The following CACNG7 variants were observed in gnomAD, a reference collection of about 807,000 sequenced individuals.
The protein encoded by CACNG7 is calcium voltage-gated channel auxiliary subunit gamma 7.
A neutral mutation model predicts 26.3 loss-of-function variants in CACNG7; 9 were observed. The ratio of observed to expected loss-of-function variants is 0.34; its 90% confidence interval spans 0.21 to 0.60. CACNG7 has a LOEUF of 0.60. CACNG7 is among the 20% of genes least tolerant of loss of function. The pLI, the probability that CACNG7 is intolerant of heterozygous loss-of-function variation, is 0.81. For missense variants in CACNG7, 297 were observed against 380.4 expected (o/e 0.78, Z 1.82); for synonymous variants, 170 against 157.0 (o/e 1.08, Z -0.62).
In CACNG7 at chr19:53,909,504, C is replaced by G; in HGVS notation, c.-43C>G. ...GGGCCCGCGGCCCGGAGCGTCCGCC[C>G]AGCCCTGAGCGAGGTGAGCGCTAGC... On this transcript the variant is annotated 5_prime_UTR_variant, in exon 1 of 6. Transcript: ENST00000391767. The surrounding 1 kb of genome is among the most constrained non-coding windows in gnomAD (Gnocchi z 5.1). 6.6e-6 allele frequency: 1 copy of G among 152,446 alleles called. No individual in the cohort carries two copies. Among genetic ancestry groups the G allele is most frequent in the South Asian group, 1.8e-4 (1 of 5,416 alleles). 9.4% of individuals were successfully genotyped at this position (152,446 alleles called of 1,614,324 possible).
intron 3 of CACNG7, among the ~76,000 whole-genome samples, chr19:53,915,081 CAAGGTTG>C (rs2068887069): frequency 6.6e-6 from 1 of 150,756 alleles, no homozygotes; most frequent in Admixed American, 6.6e-5. Flanking sequence ...GGAGAAAGAG[CAAGGTTG>C]AAGGGGTGAG....
intron 4 of CACNG7, among the ~76,000 whole-genome samples, chr19:53,924,944 T>C (rs2069012679): frequency 6.8e-6 from 1 of 146,314 alleles, no homozygotes; most frequent in Non-Finnish European, 1.5e-5. Flanking sequence ...ATTGGTGGAG[T>C]TGTCCCAGGC....
At chr19:53,924,207 GT>G (rs1261287080) in intron 4 of CACNG7, among the ~76,000 whole-genome samples, 3 of 146,584 alleles carry the variant, frequency 2.0e-5, no homozygotes, top group East Asian at 2.1e-4. Flanking sequence ...GTTGTCCCAG[GT>G]CTGGTCATTG....
At chr19:53,941,733 G>A in intron 5 of CACNG7, 118 bp downstream of exon 5, 4 of 1,313,138 alleles carry the variant, frequency 3.0e-6, no homozygotes, top group Non-Finnish European at 4.2e-6. Flanking sequence ...TCAGAGGGAG[G>A]TGGTAGCTGA....
In CACNG7 at chr19:53,921,873, T is replaced by G. The variant is rs138330971; in HGVS notation, c.424+6368T>G. The stretch of plus-strand genomic sequence containing the variant: ...TGTCCCAGGCTGGTCATTGGTGGAG[T>G]TGTCCCAGGCTGGTCATTGGTGGAG... On this transcript the variant is annotated intron_variant, in intron 4 of 5. Transcript: ENST00000391767. Among the ~76,000 whole-genome samples, 21 of 67,746 alleles carry G rather than the reference T, an allele frequency of 3.1e-4. 4 individuals are homozygous for G. Among genetic ancestry groups the G allele is most frequent in the Non-Finnish European group, 5.1e-4 (19 of 37,430 alleles). The allele number at this position is 67,746 out of a possible 152,430, so 44.4% of individuals were successfully genotyped here. A position where few individuals can be genotyped will look rare whatever the true frequency, so the allele number is the denominator to read the frequency against.
intron 4 of CACNG7, among the ~76,000 whole-genome samples, chr19:53,934,702 G>T (rs540848409): frequency 6.6e-6 from 1 of 152,036 alleles, no homozygotes; most frequent in Admixed American, 6.6e-5. Context: ...GAGCCCAGGA[G>T]TTTGAGGCTG....
chr19:53,913,631 C>T (rs1472476501), intron 2 of CACNG7, among the ~76,000 whole-genome samples: 1 of 151,218 alleles, frequency 6.6e-6, no homozygotes, highest in Non-Finnish European at 1.5e-5. Flanking sequence ...CCATCTCACT[C>T]TCCCTAGCTC....
chr19:53,915,302 A>T, intron 3 of CACNG7, 63 bp from the exon 4 acceptor site: 1 of 1,280,016 alleles, frequency 7.8e-7, no homozygotes, highest in Non-Finnish European at 1.1e-6. Context: ...GAGGTCAAGG[A>T]ATGGGGAAGT....
At chr19:53,921,803 TCTGGTCATTGGTGGAGTTGCCCCAGGTC>T (rs2068957958) in intron 4 of CACNG7, among the ~76,000 whole-genome samples, 3 of 73,004 alleles carry the variant, frequency 4.1e-5, no homozygotes, top group African/African-American at 8.2e-5. Flanking sequence ...TGTCCCCAGG[TCTGGTCATTGGTGGAGTTGCCCCAGGTC>T]TGGTCATTGG....
intron 4 of CACNG7, among the ~76,000 whole-genome samples, chr19:53,917,086 CTGTG>C (rs1348001275): frequency 6.6e-6 from 1 of 152,304 alleles, no homozygotes; most frequent in African/African-American, 2.4e-5. Context: ...GCATGAGCCA[CTGTG>C]CCTGGCCTAA....
At chr19:53,929,235 T>C (rs1170441409) in intron 4 of CACNG7, among the ~76,000 whole-genome samples, 1 of 151,790 alleles carries the variant, frequency 6.6e-6, no homozygotes, top group African/African-American at 2.4e-5. Context: ...CATAATTTGA[T>C]TGTCCTTCAG....
At chr19:53,914,431 C>A in intron 2 of CACNG7, 69 bp from the exon 3 acceptor site, 2 of 1,353,848 alleles carry the variant, frequency 1.5e-6, no homozygotes, top group Non-Finnish European at 2.1e-6. Flanking sequence ...ATCTGTCCTG[C>A]CCCCACCCCC....
At chr19:53,924,908 T>C (rs1294638927) in intron 4 of CACNG7, among the ~76,000 whole-genome samples, 1 of 145,296 alleles carries the variant, frequency 6.9e-6, no homozygotes, top group Non-Finnish European at 1.5e-5. Context: ...GGTCTGGTCA[T>C]TGGTGGAGTT....
chr19:53,942,955 G>C lies in CACNG7; in HGVS notation c.*662G>C, dbSNP rs2069148988. On this transcript the variant is annotated 3_prime_UTR_variant, in exon 6 of 6. Coordinates refer to ENST00000391767, the MANE Select transcript of CACNG7 (RefSeq NM_031896.5). The surrounding 1 kb of genome is among the most constrained non-coding windows in gnomAD (Gnocchi z 5.9). ...GGTCCCATTCTTTCTCACCGGCTGG[G>C]CTCTTTTCTGCTTCCTGAAGGTTAC... 1.3e-5 allele frequency: 2 copies of C among 152,446 alleles called. No homozygotes were observed. Among genetic ancestry groups the C allele is most frequent in the African/African-American group, 4.8e-5 (2 of 41,440 alleles). 9.4% of individuals were successfully genotyped at this position (152,446 alleles called of 1,614,324 possible). A position where few individuals can be genotyped will look rare whatever the true frequency, so the allele number is the denominator to read the frequency against.
intron 4 of CACNG7, among the ~76,000 whole-genome samples, chr19:53,924,711 C>T (rs1033901164): frequency 4.1e-5 from 6 of 147,834 alleles, no homozygotes; most frequent in African/African-American, 1.0e-4. Context: ...GGAGTTGCCC[C>T]AGTTCTGGTA....
chr19:53,919,644 T>C (rs2068923822), intron 4 of CACNG7, among the ~76,000 whole-genome samples: 1 of 133,018 alleles, frequency 7.5e-6, no homozygotes, highest in African/African-American at 3.0e-5. Flanking sequence ...TGCCCCAGGC[T>C]GGTCATTGGT....
Position 53,940,917 on chromosome 19 carries a change from C to A in CACNG7, c.425-553C>A, listed in dbSNP as rs529065342. The stretch of plus-strand genomic sequence containing the variant: ...TAAAAATATAAAAAAAAAAATTAGT[C>A]GGGAGTGGTGGCGGGCGCCTGTAAT... On this transcript the variant is annotated intron_variant, in intron 4 of 5. Coordinates refer to ENST00000391767, the MANE Select transcript of CACNG7 (RefSeq NM_031896.5). This position sits in a 1 kb window ranked among gnomAD's most constrained non-coding sequence, Gnocchi z 4.1. Among the ~76,000 whole-genome samples the A allele has an allele frequency of 1.3e-5, 2 of 151,908 alleles. No homozygotes were observed. Among genetic ancestry groups the A allele is most frequent in the African/African-American group, 4.8e-5 (2 of 41,418 alleles).
rs1568774165 is a variant in CACNG7, at chr19:53,921,287, T to TCTGGTCATTGGTGGAGTTGCCC, written c.424+5783_424+5784insTGGTCATTGGTGGAGTTGCCCC. Among the ~76,000 whole-genome samples, 72 of 33,350 alleles carry TCTGGTCATTGGTGGAGTTGCCC rather than the reference T, an allele frequency of 2.2e-3. 1 individual carries two copies. Among genetic ancestry groups the TCTGGTCATTGGTGGAGTTGCCC allele is most frequent in the African/African-American group, 9.4e-3 (67 of 7,128 alleles). The allele number at this position is 33,350 out of a possible 152,430, so 21.9% of individuals were successfully genotyped here. On this transcript the variant is annotated intron_variant, in intron 4 of 5. Transcript: ENST00000391767. ...AGGTCTGGTCATTGGTGGAGTTGCC[T>TCTGGTCATTGGTGGAGTTGCCC]CAGGTCTGGTCATTGGTGGACTTGC...
At chr19:53,928,843 G>C (rs1055590335) in intron 4 of CACNG7, among the ~76,000 whole-genome samples, 2 of 152,074 alleles carry the variant, frequency 1.3e-5, no homozygotes, top group African/African-American at 4.8e-5. Flanking sequence ...GGGCACGGTA[G>C]CTCACGCCTG....
Sources: allele counts gnomAD v4.1 joint callset (sites outside exome capture counted in the v4.1 genomes callset), GRCh38; gene constraint gnomAD v4.1.1; non-coding constraint Gnocchi (gnomAD v3.1); transcripts MANE v1.5; gene names NCBI Gene and HGNC (gene_info 2026-07-23, HGNC 2026-07-21).